Variants in POLR1A observed in about 807,000 individuals in gnomAD.
POLR1A encodes the protein RNA polymerase I subunit A.
Under a neutral mutation model 205.3 loss-of-function variants are expected in POLR1A, and 84 were observed. That is an observed-to-expected ratio of 0.41 (90% confidence interval 0.34 to 0.49). The LOEUF (loss-of-function observed/expected upper bound fraction) is 0.49. Ranked by LOEUF, POLR1A falls within the 20% of genes least tolerant of loss-of-function variation. POLR1A has a pLI of 0.22. For synonymous variants in POLR1A, 799 were observed against 863.7 expected (o/e 0.93, Z 1.31); for missense variants, 1,645 against 2,204.5 (o/e 0.75, Z 5.08).
intron 6 of POLR1A, among the ~76,000 whole-genome samples, chr2:86,084,166 T>A (rs552644475): frequency 2.0e-5 from 3 of 152,204 alleles, no homozygotes; most frequent in Non-Finnish European, 4.4e-5. Context: ...CTCGGGAGGC[T>A]GAGGCAGGAG....
At position 86,058,895 on chromosome 2, in the gene POLR1A, T is replaced by A. The variant is rs1672948287; in HGVS notation, c.2059-4606A>T. On this transcript the variant is annotated intron_variant, in intron 14 of 33. Coordinates refer to ENST00000263857, the MANE Select transcript of POLR1A (RefSeq NM_015425.6). Reference sequence around the variant, plus strand: ...ACTTTGGGAGGCTGAAGCTGGAGGATCACTTGAGGCCAGGGGTTCGAGACC... The same window carrying A: ...ACTTTGGGAGGCTGAAGCTGGAGGAACACTTGAGGCCAGGGGTTCGAGACC... Among the ~76,000 whole-genome samples the A allele has an allele frequency of 1.3e-5, 2 of 152,124 alleles. 1 individual carries two copies. The highest frequency in any genetic ancestry group is 3.9e-4 in the East Asian group (2 of 5,176).
At chr2:86,077,473 T>G (rs1278923785) in intron 11 of POLR1A, among the ~76,000 whole-genome samples, 1 of 152,162 alleles carries the variant, frequency 6.6e-6, no homozygotes, top group African/African-American at 2.4e-5. Context: ...ATATGCCCCA[T>G]GCCCTCTTCC....
chr2:86,037,794 C>A (rs1344940551), intron 27 of POLR1A, among the ~76,000 whole-genome samples: 4 of 152,088 alleles, frequency 2.6e-5, no homozygotes, highest in Non-Finnish European at 5.9e-5. Flanking sequence ...AACAAGTGAC[C>A]CAAGAAAGAA....
Position 86,088,842 on chromosome 2 carries a change from T to C in POLR1A, c.569A>G (p.Lys190Arg), listed in dbSNP as rs1289669144. 6.8e-6 allele frequency: 11 copies of C among 1,613,434 alleles called. No individual in the cohort carries two copies. Among genetic ancestry groups the C allele is most frequent in the Non-Finnish European group, 9.3e-6 (11 of 1,179,546 alleles). The change falls in exon 5 of 34, where the codon AAG becomes AGG. Residue 190 changes from lysine to arginine, a missense_variant. Lys to Arg is a conservative substitution (Grantham distance 26, BLOSUM62 2). Around this residue, in one of 16 missense-constraint regions of POLR1A, gnomAD observed 330 missense variants for 375.6 expected, o/e 0.88. Transcript: ENST00000263857. ...HVKNVCESKS[K>R]LIALFWKAHM... ...TGCCTTCCAGAAGAGAGCAATGAGC[T>C]TGCTCTTGCTCTCACACACGTTCTT...
Position 86,039,474 on chromosome 2 carries a change from T to C in POLR1A, c.3741-12A>G. On this transcript the variant is annotated splice_polypyrimidine_tract_variant and intron_variant, in intron 25 of 33. Transcript: ENST00000263857. ...GAATCTCCCGCAACCTGTCACAGAA[T>C]AAGGGCACATCCAATCATGAGTGGC... 1 of 1,614,100 alleles carries C rather than the reference T, an allele frequency of 6.2e-7. No homozygotes were observed. The highest frequency in any genetic ancestry group is 8.5e-7 in the Non-Finnish European group (1 of 1,179,998).
chr2:86,054,615 A>G (rs1034380829), intron 14 of POLR1A, among the ~76,000 whole-genome samples: 2 of 152,258 alleles, frequency 1.3e-5, no homozygotes, highest in Non-Finnish European at 2.9e-5. Flanking sequence ...AAGGAGAGGA[A>G]AAAGTAAATT....
At chr2:86,045,403 C>G in intron 20 of POLR1A, 43 bp from the exon 21 acceptor site, 7 of 1,495,332 alleles carry the variant, frequency 4.7e-6, no homozygotes, top group Non-Finnish European at 6.5e-6. Context: ...ACAGTGAGGA[C>G]AGTGCGCTTC....
intron 6 of POLR1A, among the ~76,000 whole-genome samples, chr2:86,085,049 C>A (rs570239918): frequency 6.6e-6 from 1 of 152,216 alleles, no homozygotes; most frequent in African/African-American, 2.4e-5. Context: ...GCAAGCTCTG[C>A]CTCCTGGGTT....
chr2:86,039,524 G>C (rs1672561900), intron 25 of POLR1A, 62 bp from the exon 26 acceptor site: 2 of 1,589,178 alleles, frequency 1.3e-6, no homozygotes. Context: ...TTTGGGTGCA[G>C]CTTCTCCTAA....
chr2:86,032,863 C>G (rs1173920660), intron 28 of POLR1A, among the ~76,000 whole-genome samples: 1 of 152,200 alleles, frequency 6.6e-6, no homozygotes, highest in Non-Finnish European at 1.5e-5. Context: ...AGGCAGCATT[C>G]TAAAGATAGT....
rs1573838171 is a variant in POLR1A at position 86,098,748 on chromosome 2, G to A, written c.295C>T (p.Leu99=). The A allele has an allele frequency of 6.2e-7, 1 of 1,614,038 alleles. No homozygotes were observed. Among genetic ancestry groups the A allele is most frequent in the Non-Finnish European group, 8.5e-7 (1 of 1,179,964 alleles). ...NPLLFDKLYL[L]LRGSCLNCHM... ...CAGTTTAAACAAGAGCCCCGAAGCA[G>A]CAGGTACAGCTTCTGAAGAGAGGGA... The change falls in exon 3 of 34, where the codon CTG becomes TTG. Residue 99 remains leucine (L), a synonymous_variant. Coordinates refer to ENST00000263857, the MANE Select transcript of POLR1A (RefSeq NM_015425.6).
intron 15 of POLR1A, among the ~76,000 whole-genome samples, chr2:86,053,285 T>G (rs1672839059): frequency 6.6e-6 from 1 of 151,794 alleles, no homozygotes; most frequent in African/African-American, 2.4e-5. Flanking sequence ...TCACACTCTC[T>G]CTCCATGTGT....
At chr2:86,038,067 A>G (rs1179127112) in intron 27 of POLR1A, among the ~76,000 whole-genome samples, 1 of 152,196 alleles carries the variant, frequency 6.6e-6, no homozygotes, top group Non-Finnish European at 1.5e-5. Flanking sequence ...CCAGTCCCCA[A>G]AAAGCCCATC....
intron 24 of POLR1A, among the ~76,000 whole-genome samples, chr2:86,041,129 A>C (rs940650943): frequency 6.6e-6 from 1 of 150,632 alleles, no homozygotes; most frequent in African/African-American, 2.5e-5. Context: ...AAGAACAGCC[A>C]CTAGGAGCGC....
chr2:86,042,386 CTGTTATGAT>C (rs764007909), intron 23 of POLR1A, among the ~76,000 whole-genome samples: 4 of 152,192 alleles, frequency 2.6e-5, no homozygotes, highest in Non-Finnish European at 5.9e-5. Context: ...AAACAGGAGA[CTGTTATGAT>C]TAGGCTAGGA....
In POLR1A at chr2:86,077,922, G is replaced by A. The variant is rs376626988; in HGVS notation, c.1317C>T (p.Tyr439=). ...RKHMMGKRVD[Y]AARSVICPDM... is the part of the protein sequence containing the mutation. ...CTGGGCAGATGACTGAGCGCGCAGC[G>A]TAGTCCACTCGCTTTCCCATCATGT... is the stretch of plus-strand genomic sequence containing the variant. The change falls in exon 11 of 34, where the codon TAC becomes TAT. Residue 439 remains tyrosine (Y), a synonymous_variant. Transcript: ENST00000263857. 221 of 1,613,832 alleles carry A rather than the reference G, an allele frequency of 1.4e-4. 2 individuals are homozygous for A. The South Asian group carries it at 2.0e-3, about 15-fold the overall frequency.
intron 3 of POLR1A, among the ~76,000 whole-genome samples, chr2:86,093,319 G>C (rs1478213464): frequency 6.6e-6 from 1 of 152,102 alleles, no homozygotes; most frequent in Admixed American, 6.6e-5. Flanking sequence ...AAAATTCCAA[G>C]TATTTCCAGA....
chr2:86,030,513 C>A (rs1308140075), intron 30 of POLR1A, 117 bp from the exon 31 acceptor site: 14 of 719,630 alleles, frequency 1.9e-5, no homozygotes, highest in Non-Finnish European at 3.4e-5. Flanking sequence ...GAAAGTGGTC[C>A]TGCTGGGCAA....
At chr2:86,037,412 C>A (rs1210591816) in intron 27 of POLR1A, among the ~76,000 whole-genome samples, 1 of 152,258 alleles carries the variant, frequency 6.6e-6, no homozygotes, top group African/African-American at 2.4e-5. Context: ...CAAATGCCAC[C>A]TGCACAGAGG....
Sources: gnomAD v4.1 joint callset for allele counts (sites outside exome capture counted in the v4.1 genomes callset) on GRCh38, gnomAD v4.1.1 for gene constraint, gnomAD v4.1.1 regional missense constraint, MANE v1.5 for transcripts, NCBI Gene and HGNC (gene_info 2026-07-23, HGNC 2026-07-21) for gene names.